The following DUXB variants were observed in gnomAD, a reference collection of about 807,000 sequenced individuals.
DUXB encodes double homeobox protein B.
In DUXB, 22 loss-of-function variants were observed where a neutral mutation model predicts 8.9. The ratio of observed to expected loss-of-function variants is 2.46; its 90% CI spans 1.76 to 3.52. DUXB has a LOEUF of 3.52. Among genes scored for constraint, DUXB ranks in the 30% most tolerant of loss-of-function variants. The pLI is 0.00. For missense variants in DUXB, 237 were observed against 108.7 expected (o/e 2.18, Z -5.25); for synonymous variants, 84 against 37.6 (o/e 2.23, Z -4.52).
intron 2 of DUXB, among the ~76,000 whole-genome samples, chr16:75,697,303 A>C (rs949130093): frequency 6.6e-6 from 1 of 152,182 alleles, no homozygotes; most frequent in African/African-American, 2.4e-5. Context: ...GATCCTCAAC[A>C]CTTCTTCATA....
chr16:75,693,952 C>G lies in DUXB; in HGVS notation c.1015G>C (p.Asp339His), dbSNP rs2082581881. Residue 339 changes from aspartate to histidine, a missense_variant, in exon 5 of 5, where the codon GAC becomes CAC. By Grantham distance (81) the Asp-to-His change is moderately conservative. Coordinates refer to ENST00000633875, the MANE Select transcript of DUXB (RefSeq NM_001351307.2). ...TCTCAGTGTGTCCCTTTGAGAGGGTCCCATTCAGCAAGCAGAGCCTGGCAG... is the reference window on the plus strand; with the variant it reads ...TCTCAGTGTGTCCCTTTGAGAGGGTGCCATTCAGCAAGCAGAGCCTGGCAG... ...EICQALLAEW[D>H]PLKGTH The G allele has an allele frequency of 2.5e-6, 1 of 400,400 alleles. No individual in the cohort carries two copies. The highest frequency in any genetic ancestry group is 2.1e-5 in the African/African-American group (1 of 48,674). The allele number at this position is 400,400 out of a possible 1,614,324, so 24.8% of individuals were successfully genotyped here.
chr16:75,695,827 C>T, intron 4 of DUXB, 134 bp downstream of exon 4: 1 of 601,868 alleles, frequency 1.7e-6, no homozygotes, highest in Non-Finnish European at 3.0e-6. Context: ...ACTTTCAGTG[C>T]CAGGCGTTTA....
Position 75,700,050 on chromosome 16 carries a change from C to G in DUXB, c.145G>C (p.Ala49Pro). Residue 49 changes from alanine to proline, a missense_variant, in exon 2 of 5, where the codon GCC becomes CCC. Transcript: ENST00000633875. ...FPDKAAREQLAKEIGVPESNI... is the reference protein window; with the variant it reads ...FPDKAAREQLPKEIGVPESNI... ...GATTCTGGAACCCCAATTTCTTTGG[C>G]CAGTTGTTCTCTGGCAGCTTTATCA... 1 of 701,340 alleles carries G rather than the reference C, an allele frequency of 1.4e-6. No homozygotes were observed. Among genetic ancestry groups the G allele is most frequent in the Non-Finnish European group, 2.6e-6 (1 of 384,550 alleles). 43.4% of individuals were successfully genotyped at this position (701,340 alleles called of 1,614,324 possible).
Position 75,694,368 on chromosome 16 carries a change from C to T in DUXB, c.599G>A (p.Cys200Tyr), listed in dbSNP as rs1319686261. The T allele has an allele frequency of 1.6e-5, 11 of 667,948 alleles. No individual in the cohort carries two copies. The highest frequency in any genetic ancestry group is 2.7e-5 in the Non-Finnish European group (10 of 372,196). The allele number at this position is 667,948 out of a possible 1,614,324, so 41.4% of individuals were successfully genotyped here. A position where few individuals can be genotyped will look rare whatever the true frequency, so the allele number is the denominator to read the frequency against. The change falls in exon 5 of 5, where the codon TGC (cysteine) becomes TAC (tyrosine). Residue 200 changes from cysteine (C) to tyrosine (Y), a missense_variant. Transcript: ENST00000633875. ...LPTDSSHYFS[C>Y]SHSSSGHETL... is the part of the protein sequence containing the mutation. ...TTCATGCCCGCTGGAAGAATGTGAG[C>T]AAGAAAAATAATGAGAGCTGTCTGT...
In DUXB at chr16:75,693,912, G is replaced by T; in HGVS notation, c.*17C>A. The stretch of plus-strand genomic sequence containing the variant: ...TGTTTCTCAGCTGAGTGTGCCTACT[G>T]CTGCCACAAGTCTGTCTCAGTGTGT... On this transcript the variant is annotated 3_prime_UTR_variant, in exon 5 of 5. Coordinates refer to ENST00000633875, the MANE Select transcript of DUXB (RefSeq NM_001351307.2). The T allele has an allele frequency of 2.5e-6, 1 of 399,032 alleles. No individual in the cohort carries two copies. Among genetic ancestry groups the T allele is most frequent in the South Asian group, 1.3e-4 (1 of 7,866 alleles). The allele number at this position is 399,032 out of a possible 1,614,324, so 24.7% of individuals were successfully genotyped here.
chr16:75,700,268 T>G, intron 1 of DUXB, 99 bp from the exon 2 acceptor site: 2 of 582,220 alleles, frequency 3.4e-6, no homozygotes, highest in Non-Finnish European at 6.1e-6. Flanking sequence ...AGAGTCTCAC[T>G]CTGTCGCCCA....
In DUXB at chr16:75,696,098, C is replaced by T. The variant is rs1485992336; in HGVS notation, c.304G>A (p.Ala102Thr). 1 of 702,614 alleles carries T rather than the reference C, an allele frequency of 1.4e-6. No individual in the cohort carries two copies. Among genetic ancestry groups the T allele is most frequent in the East Asian group, 2.7e-5 (1 of 37,262 alleles). The allele number at this position is 702,614 out of a possible 1,614,324, so 43.5% of individuals were successfully genotyped here. Residue 102 changes from alanine to threonine, a missense_variant, in exon 4 of 5, where the codon GCC becomes ACC. Transcript: ENST00000633875. ...HLTQEYLPKE[A>T]RQKQTFITWT... Reference sequence around the variant, plus strand: ...GTGATGAATGTCTGTTTTTGTCGGGCTTCTTTAGGTAAGTATTCTAAAGGA... The same window carrying T: ...GTGATGAATGTCTGTTTTTGTCGGGTTTCTTTAGGTAAGTATTCTAAAGGA...
In DUXB at chr16:75,694,288, G is replaced by C. The variant is rs1040680132; in HGVS notation, c.679C>G (p.His227Asp). 4 of 604,920 alleles carry C rather than the reference G, an allele frequency of 6.6e-6. No homozygotes were observed. Among genetic ancestry groups the C allele is most frequent in the Non-Finnish European group, 1.2e-5 (4 of 342,052 alleles). 37.5% of individuals were successfully genotyped at this position (604,920 alleles called of 1,614,324 possible). Residue 227 changes from histidine (H) to aspartate (D), a missense_variant, in exon 5 of 5, where the codon CAT becomes GAT. His to Asp is a moderately conservative substitution (Grantham distance 81). Transcript: ENST00000633875. Reference sequence around the variant, plus strand: ...ATGACATTTGGTCCTTGGCTCACATGGAACCTGAAGGGATCCCAAGGAGCC... The same window carrying C: ...ATGACATTTGGTCCTTGGCTCACATCGAACCTGAAGGGATCCCAAGGAGCC... Reference protein sequence around the residue: ...TQAPWDPFRFHVSQGPNVMIM... With the variant: ...TQAPWDPFRFDVSQGPNVMIM...
chr16:75,698,987 T>C (rs1450111296), intron 2 of DUXB, among the ~76,000 whole-genome samples: 1 of 152,120 alleles, frequency 6.6e-6, no homozygotes, highest in African/African-American at 2.4e-5. Flanking sequence ...GGACTGCAGG[T>C]GTGGAACAAC....
intron 2 of DUXB, among the ~76,000 whole-genome samples, chr16:75,697,250 C>G (rs1483410912): frequency 6.6e-6 from 1 of 152,162 alleles, no homozygotes; most frequent in Non-Finnish European, 1.5e-5. Flanking sequence ...CTCTCTCTTT[C>G]CCTCCCTCCT....
At position 75,696,868 on chromosome 16, in the gene DUXB, C is replaced by A. The variant is rs1371399904; in HGVS notation, c.256G>T (p.Gly86Trp). ...GTCAGATGCTGGGACTGGTCATGCC[C>A]CTGGGTTTGATCTTTTTCTGAGAAG... The part of the protein sequence containing the change: ...KCFSEKDQTQ[G>W]HDQSQHLTQE... The change falls in exon 3 of 5, where the codon GGG becomes TGG. Residue 86 changes from glycine to tryptophan, a missense_variant. Gly to Trp is a radical substitution (Grantham distance 184). Transcript: ENST00000633875. The A allele has an allele frequency of 1.4e-6, 1 of 702,784 alleles. No homozygotes were observed. Among genetic ancestry groups the A allele is most frequent in the East Asian group, 2.7e-5 (1 of 37,262 alleles). 43.5% of individuals were successfully genotyped at this position (702,784 alleles called of 1,614,324 possible).
intron 4 of DUXB, among the ~76,000 whole-genome samples, chr16:75,695,021 TTTTG>T (rs2082594130): frequency 6.6e-6 from 1 of 152,236 alleles, no homozygotes; most frequent in African/African-American, 2.4e-5. Context: ...ATTTTATTAC[TTTTG>T]TTTTTCTTTT....
chr16:75,694,430 T>C lies in DUXB; in HGVS notation c.537A>G (p.Ala179=), dbSNP rs2082588364. The change falls in exon 5 of 5, where the codon GCA becomes GCG. Residue 179 remains alanine, a synonymous_variant. Coordinates refer to ENST00000633875, the MANE Select transcript of DUXB (RefSeq NM_001351307.2). ...LVDDPNERPD[A]TVGWHPINLF... is the part of the protein sequence containing the mutation. ...GGTTGATTGGATGCCACCCAACAGT[T>C]GCATCTGGTCTCTCATTTGGGTCGT... 2 of 701,962 alleles carry C rather than the reference T, an allele frequency of 2.8e-6. No individual in the cohort carries two copies. Among genetic ancestry groups the C allele is most frequent in the Non-Finnish European group, 5.2e-6 (2 of 384,746 alleles). The allele number at this position is 701,962 out of a possible 1,614,324, so 43.5% of individuals were successfully genotyped here.
intron 2 of DUXB, among the ~76,000 whole-genome samples, chr16:75,699,623 G>A (rs1959199773): frequency 6.7e-6 from 1 of 148,726 alleles, no homozygotes; most frequent in Admixed American, 6.7e-5. Flanking sequence ...GCAGTGGTGT[G>A]ATCTCTGCTC....
Position 75,694,123 on chromosome 16 carries a change from C to T in DUXB, c.844G>A (p.Glu282Lys). 3 of 424,704 alleles carry T rather than the reference C, an allele frequency of 7.1e-6. No individual in the cohort carries two copies. The highest frequency in any genetic ancestry group is 1.8e-4 in the South Asian group (2 of 11,122). The allele number at this position is 424,704 out of a possible 1,614,324, so 26.3% of individuals were successfully genotyped here. A position where few individuals can be genotyped will look rare whatever the true frequency, so the allele number is the denominator to read the frequency against. ...PTPFWLQYQE[E>K]HQNHKEHSGS... The stretch of plus-strand genomic sequence containing the variant: ...GAGTGTTCTTTGTGATTTTGGTGTT[C>T]TTCTTGGTATTGGAGCCAGAAGGGA... Residue 282 changes from glutamate to lysine, a missense_variant, in exon 5 of 5, where the codon GAA becomes AAA. By Grantham distance (56) the Glu-to-Lys change is moderately conservative (BLOSUM62 1). Coordinates refer to ENST00000633875, the MANE Select transcript of DUXB (RefSeq NM_001351307.2).
At chr16:75,701,009 GTGAAACTCATGGAACAAT>G (rs1384347667) in intron 1 of DUXB, among the ~76,000 whole-genome samples, 3 of 152,078 alleles carry the variant, frequency 2.0e-5, no homozygotes, top group African/African-American at 7.2e-5. Flanking sequence ...AATGAAAAAA[GTGAAACTCATGGAACAAT>G]TGAACAGGTG....
At chr16:75,700,900 G>A (rs1190449406) in intron 1 of DUXB, among the ~76,000 whole-genome samples, 1 of 151,984 alleles carries the variant, frequency 6.6e-6, no homozygotes, top group Non-Finnish European at 1.5e-5. Context: ...ATTAGAAAAC[G>A]ATAATCAATG....
intron 4 of DUXB, 100 bp downstream of exon 4, chr16:75,695,861 T>A: frequency 1.6e-6 from 1 of 642,436 alleles, no homozygotes; most frequent in South Asian, 1.8e-5. Context: ...CCGCCCTTGA[T>A]GACTTTGATA....
chr16:75,694,065 G>A lies in DUXB; in HGVS notation c.902C>T (p.Ser301Phe), dbSNP rs2082583099. ...CTCCCTGTGCTCAGGTTCAGGCTGAGAATGGCTCTTGACCTGTGGTACTCC... is the reference window on the plus strand; with the variant it reads ...CTCCCTGTGCTCAGGTTCAGGCTGAAAATGGCTCTTGACCTGTGGTACTCC... Reference protein sequence around the residue: ...GSGVPQVKSHSQPEPEHREQQ... With the variant: ...GSGVPQVKSHFQPEPEHREQQ... Residue 301 changes from serine to phenylalanine, a missense_variant, in exon 5 of 5, where the codon TCT (serine) becomes TTT (phenylalanine). Coordinates refer to ENST00000633875, the MANE Select transcript of DUXB (RefSeq NM_001351307.2). 4.9e-6 allele frequency: 2 copies of A among 410,592 alleles called. No homozygotes were observed. Among genetic ancestry groups the A allele is most frequent in the African/African-American group, 4.1e-5 (2 of 48,894 alleles). 25.4% of individuals were successfully genotyped at this position (410,592 alleles called of 1,614,324 possible). A position where few individuals can be genotyped will look rare whatever the true frequency, so the allele number is the denominator to read the frequency against.
Sources: allele counts gnomAD v4.1 joint callset (sites outside exome capture counted in the v4.1 genomes callset), GRCh38; gene constraint gnomAD v4.1.1; transcripts MANE v1.5; gene names NCBI Gene and HGNC (gene_info 2026-07-23, HGNC 2026-07-21).